TMEM59L: variants seen among roughly 807,000 people sequenced by gnomAD.
TMEM59L encodes transmembrane protein 59-like.
Under a neutral mutation model 39.6 loss-of-function variants are expected in TMEM59L, and 31 were observed. The observed-to-expected ratio is 0.78, with a 90% CI of 0.59 to 1.06. The LOEUF (loss-of-function observed/expected upper bound fraction) is 1.06, where lower values mean the gene tolerates loss of function less well. TMEM59L is among the 50% of genes least tolerant of loss of function. TMEM59L has a pLI of 0.00. For missense variants in TMEM59L, 441 were observed against 451.3 expected (o/e 0.98, Z 0.21); for synonymous variants, 219 against 202.9 (o/e 1.08, Z -0.68).
Position 18,618,160 on chromosome 19 carries a change from G to GT in TMEM59L, c.671dup (p.Gly225ArgfsTer24), listed in dbSNP as rs761440020. 20 of 1,613,642 alleles carry GT rather than the reference G, an allele frequency of 1.2e-5. No homozygotes were observed. Among genetic ancestry groups the GT allele is most frequent in the Non-Finnish European group, 1.7e-5 (20 of 1,179,820 alleles). On this transcript the variant is annotated frameshift_variant, in exon 6 of 8. Coordinates refer to ENST00000262817, the MANE Select transcript of TMEM59L (RefSeq NM_012109.3). LOFTEE classifies it high-confidence loss of function. ...AGTGGCAGCTGATCTCTCAGACCCT[G>GT]TAGGCCCCCTGGACAAGGTGAGGAA... is the stretch of plus-strand genomic sequence containing the variant.
At position 18,613,966 on chromosome 19, in the gene TMEM59L, T is replaced by G. The variant is rs560332370; in HGVS notation, c.266T>G (p.Phe89Cys). The G allele has an allele frequency of 2.1e-5, 34 of 1,613,410 alleles. No individual in the cohort carries two copies. The South Asian group carries it at 3.1e-4, about 15-fold the overall frequency. Residue 89 changes from phenylalanine to cysteine, a missense_variant, in exon 2 of 8, where the codon TTT becomes TGT. Physicochemically the swap from Phe to Cys is radical, Grantham distance 205. Transcript: ENST00000262817. ...RGCRLFSICR[F>C]VARSSKPNAT... ...TGCCGCCTCTTCTCCATCTGCCGAT[T>G]TGTGGCCAGAAGCTCCAAGCCCAAT...
At position 18,618,482 on chromosome 19, in the gene TMEM59L, T is replaced by G; in HGVS notation, c.890T>G (p.Leu297Arg). The G allele has an allele frequency of 6.2e-7, 1 of 1,602,456 alleles. No individual in the cohort carries two copies. The highest frequency in any genetic ancestry group is 8.5e-7 in the Non-Finnish European group (1 of 1,177,036). Reference protein sequence around the residue: ...STLVTAPGQHLKFQPLTLEQH... With the variant: ...STLVTAPGQHRKFQPLTLEQH... ...CTGGTGACCGCGCCTGGCCAGCACC[T>G]CAAGTTCCAGGTGGGTGGGATCTGT... The change falls in exon 7 of 8, where the codon CTC (leucine) becomes CGC (arginine). Residue 297 changes from leucine (L) to arginine (R), a missense_variant. Physicochemically the swap from Leu to Arg is moderately radical, Grantham distance 102. Coordinates refer to ENST00000262817, the MANE Select transcript of TMEM59L (RefSeq NM_012109.3).
In TMEM59L at chr19:18,617,121, C is replaced by T. The variant is rs202013709; in HGVS notation, c.664+19C>T. 1.9e-6 allele frequency: 3 copies of T among 1,598,700 alleles called. No homozygotes were observed. The East Asian group carries it at 6.7e-5, about 36-fold the overall frequency. On this transcript the variant is annotated intron_variant, in intron 5 of 7. Transcript: ENST00000262817. Reference sequence around the variant, plus strand: ...CACGTGGGTAAGGTGCAACCTAGACCAGTGTTCCTTCCATGGGTGGCCCCA... The same window carrying T: ...CACGTGGGTAAGGTGCAACCTAGACTAGTGTTCCTTCCATGGGTGGCCCCA...
intron 5 of TMEM59L, chr19:18,617,354 G>C (rs1360648002): frequency 1.7e-6 from 1 of 599,770 alleles, no homozygotes; most frequent in African/African-American, 1.8e-5. Flanking sequence ...GGGTTCCATG[G>C]TCTATTTACC....
At chr19:18,616,227 A>G in intron 4 of TMEM59L, 100 bp downstream of exon 4, 1 of 1,443,406 alleles carries the variant, frequency 6.9e-7, no homozygotes, top group South Asian at 1.3e-5. Flanking sequence ...CAAAGTCCAC[A>G]GTGGGCGAGC....
intron 3 of TMEM59L, among the ~76,000 whole-genome samples, chr19:18,614,990 A>G (rs1976412513): frequency 6.6e-6 from 1 of 151,844 alleles, no homozygotes; most frequent in Non-Finnish European, 1.5e-5. Flanking sequence ...TTATTTATTT[A>G]TTTATTTTTT....
rs2040691617 is a variant in TMEM59L, at chr19:18,616,138, T to C, written c.561+11T>C. On this transcript the variant is annotated intron_variant, in intron 4 of 7. Coordinates refer to ENST00000262817, the MANE Select transcript of TMEM59L (RefSeq NM_012109.3). ...GTGGTGGTGTTTCAGGTGAGACCTC[T>C]GACAGGGGCCACGCCAGAGTGGCAG... 12 of 1,613,578 alleles carry C rather than the reference T, an allele frequency of 7.4e-6. No individual in the cohort carries two copies. Among genetic ancestry groups the C allele is most frequent in the Non-Finnish European group, 9.3e-6 (11 of 1,179,782 alleles).
intron 7 of TMEM59L, 72 bp downstream of exon 7, chr19:18,618,564 G>A: frequency 6.8e-7 from 1 of 1,462,686 alleles, no homozygotes; most frequent in Non-Finnish European, 9.3e-7. Context: ...TGCTGGTCCT[G>A]GATTTGGCCA....
chr19:18,612,937 G>A lies in TMEM59L; in HGVS notation c.-22G>A, dbSNP rs1976385072. 5 of 1,289,272 alleles carry A rather than the reference G, an allele frequency of 3.9e-6. No individual in the cohort carries two copies. The highest frequency in any genetic ancestry group is 8.1e-5 in the Admixed American group (2 of 24,828). The allele number at this position is 1,289,272 out of a possible 1,614,324, so 79.9% of individuals were successfully genotyped here. On this transcript the variant is annotated 5_prime_UTR_variant, in exon 1 of 8. Transcript: ENST00000262817. This position sits in a 1 kb window ranked among gnomAD's most constrained non-coding sequence, Gnocchi z 6.2. ...CCCGGCCTGAGCTGGAGTCCCCCGC[G>A]CCCCCCGCGTTCCGCCCGGCCATGG...
In TMEM59L at chr19:18,620,587, C is replaced by A. The variant is rs779330808; in HGVS notation, c.*51C>A. ...ACTGCAGGGGGCCCCTCGGGCCTCA[C>A]TTGCCCTGAGCCCAGGAGTCCAAGG... is the stretch of plus-strand genomic sequence containing the variant. On this transcript the variant is annotated 3_prime_UTR_variant, in exon 8 of 8. Transcript: ENST00000262817. 5 of 1,593,468 alleles carry A rather than the reference C, an allele frequency of 3.1e-6. No homozygotes were observed. In the South Asian group the frequency reaches 5.6e-5, roughly 18 times the overall value.
chr19:18,618,669 G>GTATA (rs1195095656), intron 7 of TMEM59L, among the ~76,000 whole-genome samples, 177 bp downstream of exon 7: 1 of 58,316 alleles, frequency 1.7e-5, no homozygotes, highest in African/African-American at 4.2e-5. Flanking sequence ...GTGTGTGTGT[G>GTATA]TGTGTATATA....
intron 5 of TMEM59L, chr19:18,617,416 G>A (rs1467751724): frequency 2.6e-5 from 13 of 496,414 alleles, no homozygotes; most frequent in Middle Eastern, 3.0e-4. Flanking sequence ...CCCGGGTTCC[G>A]TGGCCACCTC....
At chr19:18,616,724 T>A (rs1379765691) in intron 4 of TMEM59L, among the ~76,000 whole-genome samples, 2 of 152,172 alleles carry the variant, frequency 1.3e-5, no homozygotes, top group Non-Finnish European at 2.9e-5. Context: ...TGGGATTTAC[T>A]CTGATTGGCC....
At position 18,612,964 on chromosome 19, in the gene TMEM59L, T is replaced by C; in HGVS notation, c.6T>C (p.Ala2=). The part of the protein sequence containing the change: M[A]AVALMPPPLL... The stretch of plus-strand genomic sequence containing the variant: ...CCCCCGCGTTCCGCCCGGCCATGGC[T>C]GCGGTGGCGCTGATGCCACCGCCGC... The change falls in exon 1 of 8, where the codon GCT becomes GCC. Residue 2 remains alanine (A), a synonymous_variant. Coordinates refer to ENST00000262817, the MANE Select transcript of TMEM59L (RefSeq NM_012109.3). This position sits in a 1 kb window ranked among gnomAD's most constrained non-coding sequence, Gnocchi z 6.2. The C allele has an allele frequency of 7.6e-7, 1 of 1,322,914 alleles. No homozygotes were observed. The highest frequency in any genetic ancestry group is 2.8e-4 in the Middle Eastern group (1 of 3,534). 81.9% of individuals were successfully genotyped at this position (1,322,914 alleles called of 1,614,324 possible).
At position 18,620,424 on chromosome 19, in the gene TMEM59L, A is replaced by C; in HGVS notation, c.917A>C (p.Gln306Pro). 1 of 1,612,852 alleles carries C rather than the reference A, an allele frequency of 6.2e-7. No individual in the cohort carries two copies. Among genetic ancestry groups the C allele is most frequent in the Non-Finnish European group, 8.5e-7 (1 of 1,179,740 alleles). The change falls in exon 8 of 8, where the codon CAG (glutamine) becomes CCG (proline). Residue 306 changes from glutamine to proline, a missense_variant. Gln to Pro is a moderately conservative substitution (Grantham distance 76). Coordinates refer to ENST00000262817, the MANE Select transcript of TMEM59L (RefSeq NM_012109.3). Reference protein sequence around the residue: ...HLKFQPLTLEQHKGFMMEPDW... With the variant: ...HLKFQPLTLEPHKGFMMEPDW... The stretch of plus-strand genomic sequence containing the variant: ...TTCCTGCAGCCTCTGACCCTGGAGC[A>C]GCACAAGGGCTTCATGATGGAGCCC...
At chr19:18,617,817 A>G (rs1976448258) in intron 5 of TMEM59L, 2 of 391,700 alleles carry the variant, frequency 5.1e-6, no homozygotes, top group Admixed American at 7.7e-5. Context: ...CCTAAGGGTC[A>G]TCTCCTAGGA....
Position 18,613,884 on chromosome 19 carries a change from G to A in TMEM59L, c.184G>A (p.Gly62Ser). The A allele has an allele frequency of 6.2e-7, 1 of 1,611,696 alleles. No individual in the cohort carries two copies. Among genetic ancestry groups the A allele is most frequent in the Non-Finnish European group, 8.5e-7 (1 of 1,179,600 alleles). ...GPQPSQAGLEGASESPYDRAV... is the reference protein window; with the variant it reads ...GPQPSQAGLESASESPYDRAV... Reference sequence around the variant, plus strand: ...TCCCCTCCCCCAGGCGGGGCTGGAGGGCGCCTCCGAGTCTCCCTATGACAG... The same window carrying A: ...TCCCCTCCCCCAGGCGGGGCTGGAGAGCGCCTCCGAGTCTCCCTATGACAG... The change falls in exon 2 of 8, where the codon GGC becomes AGC. Residue 62 changes from glycine (G) to serine (S), a missense_variant. Coordinates refer to ENST00000262817, the MANE Select transcript of TMEM59L (RefSeq NM_012109.3).
intron 5 of TMEM59L, 175 bp from the exon 6 acceptor site, chr19:18,617,980 C>T: frequency 1.5e-6 from 1 of 663,588 alleles, no homozygotes; most frequent in Non-Finnish European, 2.7e-6. Flanking sequence ...CTCCTAGGAT[C>T]CATCTCCCAG....
At position 18,620,528 on chromosome 19, in the gene TMEM59L, A is replaced by G. The variant is rs1156934962; in HGVS notation, c.1021A>G (p.Lys341Glu). The G allele has an allele frequency of 1.9e-6, 3 of 1,613,388 alleles. No homozygotes were observed. In the African/African-American group the frequency reaches 4.0e-5, roughly 22 times the overall value. The change falls in exon 8 of 8, where the codon AAG (lysine) becomes GAG (glutamate). Residue 341 changes from lysine to glutamate, a missense_variant. Coordinates refer to ENST00000262817, the MANE Select transcript of TMEM59L (RefSeq NM_012109.3). ...CTACAAGCTGAAGCTGGACCTGACC[A>G]AGCTGTAGGCCTCCACTGGCCCCAT... ...PPYKLKLDLTKL is the reference protein window; with the variant it reads ...PPYKLKLDLTEL
Sources: allele counts gnomAD v4.1 joint callset (sites outside exome capture counted in the v4.1 genomes callset), GRCh38; gene constraint gnomAD v4.1.1; non-coding constraint Gnocchi (gnomAD v3.1); transcripts MANE v1.5; gene names NCBI Gene and HGNC (gene_info 2026-07-23, HGNC 2026-07-21).